Variants in KIAA1671 observed in about 807,000 individuals in gnomAD.
KIAA1671 encodes the protein KIAA1671, also known as uncharacterized protein KIAA1671.
Under a neutral mutation model 131.2 loss-of-function variants are expected in KIAA1671, and 52 were observed. The observed-to-expected ratio is 0.40, with a 90% CI of 0.32 to 0.50. The LOEUF (loss-of-function observed/expected upper bound fraction) is 0.50. Ranked by LOEUF, KIAA1671 falls within the 20% of genes least tolerant of loss-of-function variation. The pLI is 0.73. For synonymous variants in KIAA1671, 1,003 were observed against 961.6 expected (o/e 1.04, Z -0.80); for missense variants, 2,360 against 2,364.2 (o/e 1.00, Z 0.04).
chr22:24,992,814 C>CAAAAAAAAAAAAA (rs761181079), intron 1 of KIAA1671, among the ~76,000 whole-genome samples: 33 of 57,358 alleles, frequency 5.8e-4, no homozygotes, highest in African/African-American at 7.4e-4. Flanking sequence ...GACTCCGTCT[C>CAAAAAAAAAAAAA]AAAAAAAAAA....
At chr22:24,966,165 A>G (rs989993399) in intron 1 of KIAA1671, among the ~76,000 whole-genome samples, 3 of 152,198 alleles carry the variant, frequency 2.0e-5, no homozygotes, top group Non-Finnish European at 4.4e-5. Flanking sequence ...CACAGGCCCC[A>G]GGTCAGGGCT....
chr22:25,005,963 C>T (rs954496520), intron 1 of KIAA1671, among the ~76,000 whole-genome samples: 1 of 152,168 alleles, frequency 6.6e-6, no homozygotes, highest in African/African-American at 2.4e-5. Flanking sequence ...TACCTAGCAT[C>T]GTGTGCCTGT....
chr22:25,041,771 G>C (rs1926937251), intron 5 of KIAA1671, among the ~76,000 whole-genome samples: 1 of 152,140 alleles, frequency 6.6e-6, no homozygotes, highest in African/African-American at 2.4e-5. Flanking sequence ...GAAACAAAGA[G>C]TCTTGCTTAG....
intron 6 of KIAA1671, among the ~76,000 whole-genome samples, chr22:25,162,588 A>G (rs538668254): frequency 6.6e-6 from 1 of 152,354 alleles, no homozygotes; most frequent in South Asian, 2.1e-4. Flanking sequence ...TCTCAGAAAC[A>G]TATTTCTCCA....
chr22:25,179,367 T>C (rs1934177806), intron 9 of KIAA1671: 2 of 1,604,104 alleles, frequency 1.2e-6, no homozygotes, highest in Middle Eastern at 2.0e-4. Flanking sequence ...CGCGTGCAGC[T>C]CCTCGCGCAG....
At position 25,093,824 on chromosome 22, in the gene KIAA1671, T is replaced by TTCTCTCTCTCTCTCTCTCTCTCTC. The variant is rs1568951523; in HGVS notation, c.4530+44469_4530+44470insCTCTCTCTCTCTCTCTCTCTCTCT. Among the ~76,000 whole-genome samples, 4 of 21,922 alleles carry TTCTCTCTCTCTCTCTCTCTCTCTC rather than the reference T, an allele frequency of 1.8e-4. 1 individual carries two copies. Among genetic ancestry groups the TTCTCTCTCTCTCTCTCTCTCTCTC allele is most frequent in the African/African-American group, 8.3e-4 (3 of 3,618 alleles). 14.4% of individuals were successfully genotyped at this position (21,922 alleles called of 152,430 possible). On this transcript the variant is annotated intron_variant, in intron 6 of 12. Coordinates refer to ENST00000358431, the MANE Select transcript of KIAA1671 (RefSeq NM_001145206.2). Reference sequence around the variant, plus strand: ...TCTCTCTCTCTCTGTCTCTCTCTCTTTCTCTCTCTGTCTGTCTCTCTCTCT... The same window carrying TTCTCTCTCTCTCTCTCTCTCTCTC: ...TCTCTCTCTCTCTGTCTCTCTCTCTTTCTCTCTCTCTCTCTCTCTCTCTCTCTCTCTCTGTCTGTCTCTCTCTCT...
At chr22:25,187,018 AT>A (rs1288459472) in intron 11 of KIAA1671, among the ~76,000 whole-genome samples, 1 of 152,144 alleles carries the variant, frequency 6.6e-6, no homozygotes, top group East Asian at 1.9e-4. Flanking sequence ...CTAGACCCCC[AT>A]CTGCCCAGGG....
At chr22:25,003,400 A>ATTTTTTTTTTTTTTTTTTTTTTTTTTTT (rs71191013) in intron 1 of KIAA1671, among the ~76,000 whole-genome samples, 1 of 113,844 alleles carries the variant, frequency 8.8e-6, no homozygotes. Flanking sequence ...ACTTGGAGAG[A>ATTTTTTTTTTTTTTTTTTTTTTTTTTTT]TTTTTTTTTT....
chr22:25,046,314 A>G (rs567438882), intron 5 of KIAA1671, among the ~76,000 whole-genome samples: 1 of 129,162 alleles, frequency 7.7e-6, no homozygotes, highest in South Asian at 2.3e-4. Context: ...GAGAAAAAAA[A>G]AGAAGAAGAA....
chr22:25,091,167 C>T (rs1195254843), intron 6 of KIAA1671, among the ~76,000 whole-genome samples: 1 of 152,262 alleles, frequency 6.6e-6, no homozygotes, highest in Admixed American at 6.5e-5. Flanking sequence ...AAGCGATTCT[C>T]CTGCCTCAGC....
intron 1 of KIAA1671, among the ~76,000 whole-genome samples, chr22:24,995,243 A>G (rs184120316): frequency 0.013 from 2,039 of 151,664 alleles, 20 homozygotes; most frequent in Non-Finnish European, 0.017. Flanking sequence ...TAGTAGAGAC[A>G]GGGTTTCGCC....
intron 6 of KIAA1671, among the ~76,000 whole-genome samples, chr22:25,083,789 A>G (rs1929538335): frequency 6.6e-6 from 1 of 152,206 alleles, no homozygotes; most frequent in African/African-American, 2.4e-5. Flanking sequence ...ATTGGAAAAG[A>G]CCCAGATAGC....
In KIAA1671 at chr22:24,958,689, G is replaced by A. The variant is rs117230019; in HGVS notation, c.-208+5917G>A. Among the ~76,000 whole-genome samples, 22 of 150,586 alleles carry A rather than the reference G, an allele frequency of 1.5e-4. No homozygotes were observed. The East Asian group carries it at 4.1e-3, about 28-fold the overall frequency. On this transcript the variant is annotated intron_variant, in intron 1 of 12. Coordinates refer to ENST00000358431, the MANE Select transcript of KIAA1671 (RefSeq NM_001145206.2). ...AAAAAAGGTTAAAAATTAGTCTGGC[G>A]GTCAGGCACAGTGGCTCACACCTGT...
chr22:25,154,124 C>T (rs531672103), intron 6 of KIAA1671, among the ~76,000 whole-genome samples: 36 of 152,330 alleles, frequency 2.4e-4, no homozygotes, highest in South Asian at 4.1e-4. Context: ...CCTACGTGCC[C>T]GAAAGCCTGC....
intron 1 of KIAA1671, among the ~76,000 whole-genome samples, chr22:24,999,673 C>T (rs1194967325): frequency 3.3e-5 from 5 of 150,252 alleles, no homozygotes; most frequent in South Asian, 2.1e-4. Context: ...AGCTATTCTC[C>T]GGCTTCAGCC....
At chr22:25,068,675 A>G (rs1459218105) in intron 6 of KIAA1671, among the ~76,000 whole-genome samples, 2 of 152,120 alleles carry the variant, frequency 1.3e-5, no homozygotes, top group Admixed American at 6.5e-5. Context: ...TGACCTCATG[A>G]TCTGCCCACC....
At chr22:25,107,983 A>G (rs1458357645) in intron 6 of KIAA1671, among the ~76,000 whole-genome samples, 2 of 152,130 alleles carry the variant, frequency 1.3e-5, no homozygotes, top group Non-Finnish European at 2.9e-5. Context: ...ACTCCAGCCT[A>G]GGTGACAGAG....
chr22:24,956,341 G>A (rs1921699164), intron 1 of KIAA1671, among the ~76,000 whole-genome samples: 1 of 152,218 alleles, frequency 6.6e-6, no homozygotes, highest in Non-Finnish European at 1.5e-5. Flanking sequence ...ACTTCCTGTG[G>A]GGAGACATGG....
intron 1 of KIAA1671, among the ~76,000 whole-genome samples, chr22:24,979,567 T>G (rs1175916187): frequency 6.6e-6 from 1 of 151,076 alleles, no homozygotes; most frequent in East Asian, 2.0e-4. Flanking sequence ...GCCAAGATGG[T>G]CTCGATCTCC....
Sources: allele counts gnomAD v4.1 joint callset (sites outside exome capture counted in the v4.1 genomes callset), GRCh38; gene constraint gnomAD v4.1.1; transcripts MANE v1.5; gene names NCBI Gene and HGNC (gene_info 2026-07-23, HGNC 2026-07-21).